The following HERC3 variants were observed in gnomAD, a reference collection of about 807,000 sequenced individuals.
HERC3 encodes the protein HECT and RLD domain containing E3 ubiquitin protein ligase 3, also known as probable E3 ubiquitin-protein ligase HERC3.
In HERC3, 58 loss-of-function variants were observed where a neutral mutation model predicts 129.9. That is an observed-to-expected ratio of 0.45 (90% confidence interval 0.36 to 0.56). The LOEUF (loss-of-function observed/expected upper bound fraction) is 0.56, where lower values mean the gene tolerates loss of function less well. Among genes scored for constraint, HERC3 ranks in the 20% least tolerant of loss-of-function variants. The probability of loss-of-function intolerance (pLI) is 0.00; values close to 1 mark genes in which losing one functional copy is unlikely to be tolerated. For missense variants in HERC3, 835 were observed against 1,244.2 expected (o/e 0.67, Z 4.95); for synonymous variants, 430 against 451.0 (o/e 0.95, Z 0.59).
At chr4:88,697,903 G>A in intron 23 of HERC3, 1 of 1,048,018 alleles carries the variant, frequency 9.5e-7, no homozygotes, top group Non-Finnish European at 1.4e-6. Flanking sequence ...CTGCTTTCGC[G>A]GCACTTGACT....
chr4:88,536,730 A>G, the HERC3 span, among the ~76,000 whole-genome samples: 4 of 151,742 alleles, frequency 2.6e-5, no homozygotes, highest in African/African-American at 7.3e-5. Context: ...ATCTGCTTGT[A>G]ATTTAGCTAC....
intron 2 of HERC3, among the ~76,000 whole-genome samples, chr4:88,596,642 C>T (rs191497292): frequency 6.6e-6 from 1 of 152,272 alleles, no homozygotes; most frequent in Non-Finnish European, 1.5e-5. Flanking sequence ...GCCTCAACAG[C>T]GCTTTGCATT....
In HERC3 at chr4:88,652,677, AG is replaced by A. The variant is rs1483090702; in HGVS notation, c.464-191del. Among the ~76,000 whole-genome samples the A allele has an allele frequency of 3.8e-4, 58 of 152,326 alleles. 1 individual carries two copies. ...TAGCCTTTGAAGGGCAGTAAGACTC[AG>A]CTTACCTCTCTGTTATATCACTTGG... On this transcript the variant is annotated intron_variant, in intron 5 of 25. Coordinates refer to ENST00000402738, the MANE Select transcript of HERC3 (RefSeq NM_014606.3).
intron 3 of HERC3, among the ~76,000 whole-genome samples, chr4:88,606,618 G>A (rs1282497287): frequency 1.3e-5 from 2 of 152,168 alleles, no homozygotes; most frequent in Non-Finnish European, 2.9e-5. Context: ...GGCTGGGGAG[G>A]CCTCACAATC....
chr4:88,537,553 C>T, the HERC3 span, among the ~76,000 whole-genome samples: 1 of 152,040 alleles, frequency 6.6e-6, no homozygotes, highest in Non-Finnish European at 1.5e-5. Context: ...TAAAGTGGTC[C>T]GTTTAAGTTG....
the HERC3 span, among the ~76,000 whole-genome samples, chr4:88,550,558 T>A: frequency 4.0e-5 from 6 of 151,864 alleles, no homozygotes; most frequent in Non-Finnish European, 7.4e-5. Flanking sequence ...AATAAAATAC[T>A]TAGGAATCCA....
chr4:88,560,207 G>T, the HERC3 span, among the ~76,000 whole-genome samples: 1 of 152,024 alleles, frequency 6.6e-6, no homozygotes, highest in African/African-American at 2.4e-5. Flanking sequence ...TGATCCACCC[G>T]CCTCGGCCTC....
At chr4:88,537,664 C>G in the HERC3 span, among the ~76,000 whole-genome samples, 1 of 152,218 alleles carries the variant, frequency 6.6e-6, no homozygotes, top group Non-Finnish European at 1.5e-5. Flanking sequence ...AAGTGTTCCT[C>G]TGTGTTCTAA....
intron 3 of HERC3, among the ~76,000 whole-genome samples, chr4:88,643,582 A>C (rs971431392): frequency 1.3e-4 from 20 of 152,240 alleles, no homozygotes; most frequent in Admixed American, 2.6e-4. Context: ...ATATCCACAC[A>C]AATGTGGTTA....
the HERC3 span, among the ~76,000 whole-genome samples, chr4:88,550,588 G>A: frequency 6.6e-6 from 1 of 152,138 alleles, no homozygotes. Flanking sequence ...GGACGTGAAG[G>A]ACCTCTTCAA....
At chr4:88,573,990 G>A in the HERC3 span, among the ~76,000 whole-genome samples, 1 of 152,142 alleles carries the variant, frequency 6.6e-6, no homozygotes, top group Non-Finnish European at 1.5e-5. Flanking sequence ...CTCCCTCTCT[G>A]CCATGCCTGA....
chr4:88,615,010 A>G (rs1724745923), intron 3 of HERC3, among the ~76,000 whole-genome samples: 1 of 152,222 alleles, frequency 6.6e-6, no homozygotes, highest in Admixed American at 6.5e-5. Context: ...AACAAATGTC[A>G]TCTTCTATAC....
chr4:88,670,047 G>A, intron 15 of HERC3, 24 bp downstream of exon 15: 3 of 1,610,464 alleles, frequency 1.9e-6, no homozygotes, highest in Non-Finnish European at 2.5e-6. Flanking sequence ...GTGCTAGTGG[G>A]GAGGGGGTGA....
rs1433254360 is a variant in HERC3 at position 88,652,850 on chromosome 4, A to G, written c.464-19A>G. The G allele has an allele frequency of 6.3e-7, 1 of 1,596,314 alleles. No homozygotes were observed. The highest frequency in any genetic ancestry group is 1.7e-5 in the Admixed American group (1 of 59,346). ...GCTTGTATCATTTTATGGTAATACC[A>G]GTTATCCTGTTATTTCAGATGGCCA... is the stretch of plus-strand genomic sequence containing the variant. On this transcript the variant is annotated intron_variant, in intron 5 of 25. Transcript: ENST00000402738.
At chr4:88,605,002 G>C (rs1191213382) in intron 2 of HERC3, among the ~76,000 whole-genome samples, 3 of 152,160 alleles carry the variant, frequency 2.0e-5, no homozygotes, top group Non-Finnish European at 4.4e-5. Context: ...TGAAACTTTA[G>C]GCTAGGGTCA....
chr4:88,602,172 G>A (rs1723065236), intron 2 of HERC3, among the ~76,000 whole-genome samples: 1 of 151,894 alleles, frequency 6.6e-6, no homozygotes, highest in African/African-American at 2.4e-5. Flanking sequence ...AGGCCAAGGC[G>A]GGCTAATTAC....
At chr4:88,675,123 T>G (rs1732023778) in intron 16 of HERC3, among the ~76,000 whole-genome samples, 1 of 152,190 alleles carries the variant, frequency 6.6e-6, no homozygotes, top group African/African-American at 2.4e-5. Flanking sequence ...CTAGTTGCAT[T>G]GTGGATGTGG....
intron 12 of HERC3, 98 bp downstream of exon 12, chr4:88,664,310 G>C (rs1437734039): frequency 2.1e-6 from 2 of 973,494 alleles, no homozygotes; most frequent in East Asian, 2.5e-5. Context: ...TTAGGAGTTT[G>C]GGGCTTTAGG....
rs1350863982 is a variant in HERC3, at chr4:88,652,984, T to C, written c.579T>C (p.Ala193=). 26 of 1,614,204 alleles carry C rather than the reference T, an allele frequency of 1.6e-5. No homozygotes were observed. The highest frequency in any genetic ancestry group is 2.2e-5 in the Non-Finnish European group (26 of 1,180,040). The change falls in exon 6 of 26, where the codon GCT becomes GCC. Residue 193 remains alanine, a synonymous_variant. Coordinates refer to ENST00000402738, the MANE Select transcript of HERC3 (RefSeq NM_014606.3). ...RVRSLEGIPL[A]QVAAGGAHSF... is the part of the protein sequence containing the mutation. ...GGTCCCTGGAGGGGATCCCACTGGC[T>C]CAGGTGGCTGCCGGAGGGGCTCACA...
Sources: allele counts gnomAD v4.1 joint callset (sites outside exome capture counted in the v4.1 genomes callset), GRCh38; gene constraint gnomAD v4.1.1; transcripts MANE v1.5; gene names NCBI Gene and HGNC (gene_info 2026-07-23, HGNC 2026-07-21).